The following MED12L variants were observed in gnomAD, a reference collection of about 807,000 sequenced individuals.
MED12L encodes mediator of RNA polymerase II transcription subunit 12-like protein.
A neutral mutation model predicts 281.3 loss-of-function variants in MED12L; 60 were observed. That is an observed-to-expected ratio of 0.21 (90% CI 0.17 to 0.26). The LOEUF (loss-of-function observed/expected upper bound fraction) is 0.26, where lower values mean the gene tolerates loss of function less well. Ranked by LOEUF, MED12L falls within the 10% of genes least tolerant of loss-of-function variation. MED12L has a pLI of 1.00. For synonymous variants in MED12L, 974 were observed against 987.2 expected, an observed-to-expected ratio of 0.99 and a Z score of 0.25; for missense variants, 2,146 against 2,680.9, an observed-to-expected ratio of 0.80 and a Z score of 4.41.
intron 16 of MED12L, among the ~76,000 whole-genome samples, chr3:151,265,639 G>A (rs751578908): frequency 6.6e-6 from 1 of 152,068 alleles, no homozygotes. Context: ...CTTTTTATAC[G>A]GAGGAATCTG....
chr3:151,199,485 A>G (rs1244798979), intron 16 of MED12L: 2 of 1,049,542 alleles, frequency 1.9e-6, no homozygotes, highest in Non-Finnish European at 2.8e-6. Context: ...AAAATTAGCA[A>G]CTATTTTCTT....
At chr3:151,317,015 C>A (rs1748345182) in intron 16 of MED12L, 1 of 152,104 alleles carries the variant, frequency 6.6e-6, no homozygotes, top group Admixed American at 6.5e-5. Context: ...TTGGGGCCTA[C>A]TAACTCATCA....
intron 16 of MED12L, among the ~76,000 whole-genome samples, chr3:151,235,584 C>T (rs570221019): frequency 2.0e-5 from 3 of 152,130 alleles, no homozygotes; most frequent in East Asian, 3.9e-4. Context: ...ATCCCAGTTA[C>T]GCGGGAGGCT....
intron 5 of MED12L, among the ~76,000 whole-genome samples, chr3:151,140,930 C>A (rs913068688): frequency 6.6e-6 from 1 of 151,728 alleles, no homozygotes. Context: ...TGCAGTGGCA[C>A]GATCTCGGCT....
intron 16 of MED12L, among the ~76,000 whole-genome samples, chr3:151,209,098 A>G (rs1726777247): frequency 6.6e-6 from 1 of 152,210 alleles, no homozygotes; most frequent in African/African-American, 2.4e-5. Flanking sequence ...TCAAAAAGTA[A>G]CAAGTAGTCT....
At chr3:151,289,294 T>A (rs1743946031) in intron 16 of MED12L, among the ~76,000 whole-genome samples, 1 of 152,214 alleles carries the variant, frequency 6.6e-6, no homozygotes. Context: ...TTTGAAATAT[T>A]TCATGACGTA....
At chr3:151,318,752 A>T (rs1434078055) in intron 16 of MED12L, among the ~76,000 whole-genome samples, 1 of 152,170 alleles carries the variant, frequency 6.6e-6, no homozygotes, top group Non-Finnish European at 1.5e-5. Context: ...AGAGGGCCCT[A>T]CTGTGAAAGG....
At chr3:151,284,504 T>C (rs1026270754) in intron 16 of MED12L, among the ~76,000 whole-genome samples, 1 of 152,256 alleles carries the variant, frequency 6.6e-6, no homozygotes, top group African/African-American at 2.4e-5. Context: ...TTATAATTAA[T>C]AATTTGAGCA....
intron 28 of MED12L, 151 bp from the exon 29 acceptor site, chr3:151,376,649 G>A (rs763440785): frequency 7.6e-6 from 5 of 658,786 alleles, no homozygotes; most frequent in Non-Finnish European, 1.3e-5. Context: ...GAATATATAT[G>A]CAGCAAGATT....
At chr3:151,277,339 T>C (rs182900620) in intron 16 of MED12L, among the ~76,000 whole-genome samples, 2 of 152,216 alleles carry the variant, frequency 1.3e-5, no homozygotes, top group Admixed American at 1.3e-4. Context: ...TAAAATTCAT[T>C]GCATGTTTAC....
At chr3:151,215,163 G>A (rs7634801) in intron 16 of MED12L, among the ~76,000 whole-genome samples, 2,935 of 150,868 alleles carry the variant, frequency 0.019, 95 homozygotes, top group African/African-American at 0.068. Context: ...TAATAAATTA[G>A]AATACAAATA....
At chr3:151,309,677 G>T (rs1747225393) in intron 16 of MED12L, among the ~76,000 whole-genome samples, 1 of 152,186 alleles carries the variant, frequency 6.6e-6, no homozygotes, top group African/African-American at 2.4e-5. Flanking sequence ...AGCCCCTGTG[G>T]TTTCCCATAC....
intron 2 of MED12L, among the ~76,000 whole-genome samples, chr3:151,087,328 C>G (rs183517536): frequency 7.2e-5 from 11 of 152,368 alleles, no homozygotes; most frequent in African/African-American, 2.4e-4. Context: ...CTTGCTCGCT[C>G]TCACCCGTTT....
chr3:151,102,647 G>GT (rs1721527946), intron 2 of MED12L, among the ~76,000 whole-genome samples: 1 of 152,018 alleles, frequency 6.6e-6, no homozygotes, highest in African/African-American at 2.4e-5. Context: ...TATTTATGTT[G>GT]TTTTTTGTAG....
At position 151,261,901 on chromosome 3, in the gene MED12L, A is replaced by T. The variant is rs527621560; in HGVS notation, c.2250+68235A>T. 4.0e-5 allele frequency among the ~76,000 whole-genome samples: 6 copies of T among 151,838 alleles called. No homozygotes were observed. The South Asian group carries it at 1.2e-3, about 32-fold the overall frequency. ...CACCATGCCTGGCTAATTTTTTTGT[A>T]TTTTTAGTAGAGACGGGGTTTCACC... On this transcript the variant is annotated intron_variant, in intron 16 of 44. Transcript: ENST00000687756.
chr3:151,276,700 C>A (rs555738565), intron 16 of MED12L, among the ~76,000 whole-genome samples: 1 of 152,298 alleles, frequency 6.6e-6, no homozygotes, highest in African/African-American at 2.4e-5. Flanking sequence ...CCGTGTTCTT[C>A]TTCTGTTCAG....
chr3:151,222,882 G>A (rs1178558123), intron 16 of MED12L, among the ~76,000 whole-genome samples: 2 of 152,108 alleles, frequency 1.3e-5, no homozygotes, highest in Admixed American at 6.5e-5. Context: ...AAGTAGGCCT[G>A]AAATCTAGGA....
chr3:151,131,605 C>T (rs995135428), intron 5 of MED12L, among the ~76,000 whole-genome samples: 1 of 151,960 alleles, frequency 6.6e-6, no homozygotes, highest in Admixed American at 6.6e-5. Flanking sequence ...AGACCCTCTC[C>T]CTCAAAAAAC....
intron 16 of MED12L, among the ~76,000 whole-genome samples, chr3:151,313,355 C>T: frequency 6.6e-6 from 1 of 152,172 alleles, no homozygotes; most frequent in East Asian, 1.9e-4. Context: ...GGTAAATATA[C>T]AATAAGTCTA....
Sources: gnomAD v4.1 joint callset for allele counts (sites outside exome capture counted in the v4.1 genomes callset) on GRCh38, gnomAD v4.1.1 for gene constraint, MANE v1.5 for transcripts, NCBI Gene and HGNC (gene_info 2026-07-23, HGNC 2026-07-21) for gene names.